Variants in PRKG1 observed in about 807,000 individuals in gnomAD.
The protein encoded by PRKG1 is cGMP-dependent protein kinase 1.
In PRKG1, 35 loss-of-function variants were observed where a neutral mutation model predicts 88.1. That is an observed-to-expected ratio of 0.40 (90% CI 0.30 to 0.53). PRKG1 has a LOEUF of 0.53. Ranked by LOEUF, PRKG1 falls within the 20% of genes least tolerant of loss-of-function variation. The pLI, the probability that PRKG1 is intolerant of heterozygous loss-of-function variation, is 0.59. For synonymous variants in PRKG1, 303 were observed against 292.5 expected (o/e 1.04, Z -0.37); for missense variants, 540 against 839.8 (o/e 0.64, Z 4.41).
intron 3 of PRKG1, among the ~76,000 whole-genome samples, chr10:51,630,597 A>T (rs1839499127): frequency 6.6e-6 from 1 of 152,214 alleles, no homozygotes; most frequent in Non-Finnish European, 1.5e-5. Context: ...GTATCTCACA[A>T]AAACAAGCAT....
intron 10 of PRKG1, among the ~76,000 whole-genome samples, chr10:52,257,875 A>G (rs1841345890): frequency 7.2e-6 from 1 of 139,490 alleles, no homozygotes; most frequent in African/African-American, 2.5e-5. Context: ...GTGTAGTAAC[A>G]ATATACTGCA....
chr10:51,272,515 T>A (rs553083999), intron 2 of PRKG1, among the ~76,000 whole-genome samples: 25 of 151,624 alleles, frequency 1.6e-4, no homozygotes, highest in African/African-American at 2.7e-4. Flanking sequence ...TTTTTTTTTT[T>A]AAGTAGTTTG....
At chr10:51,451,958 T>A (rs1488847072) in intron 2 of PRKG1, among the ~76,000 whole-genome samples, 1 of 151,934 alleles carries the variant, frequency 6.6e-6, no homozygotes, top group Non-Finnish European at 1.5e-5. Flanking sequence ...AATCTTTTCA[T>A]AAAAGATATT....
chr10:51,312,641 G>A (rs1841218518), intron 2 of PRKG1, among the ~76,000 whole-genome samples: 1 of 152,090 alleles, frequency 6.6e-6, no homozygotes, highest in Admixed American at 6.6e-5. Context: ...CAGTGACATA[G>A]AGAGATAAGT....
chr10:51,670,588 T>C (rs1006526740), intron 3 of PRKG1, among the ~76,000 whole-genome samples: 50 of 148,874 alleles, frequency 3.4e-4, no homozygotes, highest in African/African-American at 1.2e-3. Context: ...TACAAAAAAT[T>C]AGCCGGGCGT....
Position 50,991,428 on chromosome 10 carries a change from A to G in PRKG1, c.50A>G (p.Glu17Gly), listed in dbSNP as rs765486540. The change falls in exon 1 of 18, where the codon GAG (glutamate) becomes GGG (glycine). Residue 17 changes from glutamate (E) to glycine (G), a missense_variant. Glu to Gly is a moderately conservative substitution (Grantham distance 98, BLOSUM62 -2). Transcript: ENST00000401604. The surrounding 1 kb of genome is among the most constrained non-coding windows in gnomAD (Gnocchi z 4.5). ...GCCAAGATTCTCATGCTCAAGGAGG[A>G]GAGGATCAAAGAGCTGGAGAAGCGG... The G allele has an allele frequency of 6.3e-7, 1 of 1,586,660 alleles. No homozygotes were observed. The highest frequency in any genetic ancestry group is 1.8e-5 in the Admixed American group (1 of 55,492).
At chr10:52,170,681 A>AT (rs1838644773) in intron 9 of PRKG1, among the ~76,000 whole-genome samples, 1 of 152,064 alleles carries the variant, frequency 6.6e-6, no homozygotes, top group Non-Finnish European at 1.5e-5. Flanking sequence ...GTCCTCATTG[A>AT]TTTTCAAGCC....
intron 4 of PRKG1, among the ~76,000 whole-genome samples, chr10:51,813,745 C>T (rs1839515093): frequency 6.6e-6 from 1 of 152,110 alleles, no homozygotes; most frequent in Non-Finnish European, 1.5e-5. Flanking sequence ...ATTTACTTAG[C>T]CTGGAGATTT....
chr10:52,132,851 G>A (rs984541309), intron 7 of PRKG1, among the ~76,000 whole-genome samples: 40 of 152,138 alleles, frequency 2.6e-4, no homozygotes, highest in African/African-American at 9.6e-4. Flanking sequence ...ACATAGTAGG[G>A]AGTACATGAG....
chr10:51,985,109 T>C (rs141992837), intron 5 of PRKG1, among the ~76,000 whole-genome samples: 22 of 152,338 alleles, frequency 1.4e-4, no homozygotes, highest in African/African-American at 4.6e-4. Flanking sequence ...GAACTTTTCC[T>C]TCATAGAGCA....
chr10:51,956,950 TTTCC>T (rs541418913), intron 5 of PRKG1, among the ~76,000 whole-genome samples: 394 of 151,918 alleles, frequency 2.6e-3, no homozygotes, highest in African/African-American at 8.3e-3. Flanking sequence ...ATTTTCTTTC[TTTCC>T]TTCCTTCCTT....
At chr10:51,964,572 A>G (rs1166879123) in intron 5 of PRKG1, among the ~76,000 whole-genome samples, 2 of 152,230 alleles carry the variant, frequency 1.3e-5, no homozygotes, top group Non-Finnish European at 2.9e-5. Flanking sequence ...TATTTGAAAC[A>G]GGTTGTGGTG....
At chr10:51,137,354 A>G (rs1198327790) in intron 1 of PRKG1, among the ~76,000 whole-genome samples, 2 of 152,210 alleles carry the variant, frequency 1.3e-5, no homozygotes, top group African/African-American at 2.4e-5. Flanking sequence ...TAAATATATG[A>G]CAGTAAATAT....
intron 4 of PRKG1, among the ~76,000 whole-genome samples, chr10:51,870,114 A>G (rs1442247201): frequency 6.6e-6 from 1 of 152,122 alleles, no homozygotes; most frequent in East Asian, 1.9e-4. Context: ...AATGTCTGTG[A>G]TGGCTTTTTC....
upstream of PRKG1, among the ~76,000 whole-genome samples, chr10:51,071,206 G>A (rs533922090): frequency 4.6e-5 from 7 of 152,166 alleles, no homozygotes; most frequent in Non-Finnish European, 8.8e-5. Context: ...TAAGTACAAC[G>A]CAGAAGATGT....
intron 1 of PRKG1, among the ~76,000 whole-genome samples, chr10:51,009,193 T>A (rs1842967616): frequency 6.6e-6 from 1 of 152,232 alleles, no homozygotes; most frequent in African/African-American, 2.4e-5. Flanking sequence ...TGGTAACTTG[T>A]TTCTTTAGGG....
chr10:51,205,127 C>CTTTTTTTTTT lies in PRKG1; in HGVS notation c.478+51818_478+51827dup, dbSNP rs58176913. Among the ~76,000 whole-genome samples, 215 of 63,958 alleles carry CTTTTTTTTTT rather than the reference C, an allele frequency of 3.4e-3. 9 individuals are homozygous for CTTTTTTTTTT. The highest frequency in any genetic ancestry group is 4.5e-3 in the Non-Finnish European group (148 of 33,220). The allele number at this position is 63,958 out of a possible 152,430, so 42.0% of individuals were successfully genotyped here. The stretch of plus-strand genomic sequence containing the variant: ...TAAGGAAGAATTTTCATTTTCTTTT[C>CTTTTTTTTTT]TTTTTTTTTTTTTTTTTTTTTTTTT... On this transcript the variant is annotated intron_variant, in intron 2 of 17. Coordinates refer to ENST00000373980, the MANE Select transcript of PRKG1 (RefSeq NM_006258.4).
chr10:51,165,987 T>A (rs999041252), intron 2 of PRKG1, among the ~76,000 whole-genome samples: 2 of 152,284 alleles, frequency 1.3e-5, no homozygotes, highest in African/African-American at 2.4e-5. Flanking sequence ...CAAATAAGTT[T>A]TTTTTTTTCA....
chr10:51,571,652 C>G (rs1837755917), intron 3 of PRKG1, among the ~76,000 whole-genome samples: 2 of 151,762 alleles, frequency 1.3e-5, no homozygotes, highest in South Asian at 4.2e-4. Flanking sequence ...ATCAAAAAGG[C>G]ATGAACATAC....
Sources: gnomAD v4.1 joint callset for allele counts (sites outside exome capture counted in the v4.1 genomes callset) on GRCh38, gnomAD v4.1.1 for gene constraint, Gnocchi (gnomAD v3.1) non-coding constraint, MANE v1.5 for transcripts, NCBI Gene and HGNC (gene_info 2026-07-23, HGNC 2026-07-21) for gene names.